APC: variants seen among roughly 807,000 people sequenced by gnomAD.
APC encodes adenomatous polyposis coli protein.
APC carries 72 observed loss-of-function variants against 247.0 expected under a neutral mutation model. The observed-to-expected ratio is 0.29, with a 90% CI of 0.24 to 0.35. The LOEUF is 0.35. APC is among the 10% of genes least tolerant of loss of function. APC has a pLI of 1.00. For missense variants in APC, 3,400 were observed against 3,360.7 expected, an observed-to-expected ratio of 1.01 and a Z score of -0.29; for synonymous variants, 1,254 against 1,162.5, an observed-to-expected ratio of 1.08 and a Z score of -1.60.
chr5:112,732,765 T>G (rs1179955640), intron 1 of APC, among the ~76,000 whole-genome samples: 1 of 152,114 alleles, frequency 6.6e-6, no homozygotes, highest in Admixed American at 6.5e-5. Context: ...ATAAAAGATG[T>G]AGGAACAATG....
At chr5:112,720,958 T>C (rs1041593260) in intron 1 of APC, among the ~76,000 whole-genome samples, 27 of 152,196 alleles carry the variant, frequency 1.8e-4, no homozygotes, top group Non-Finnish European at 2.5e-4. Context: ...AGACTGGTTA[T>C]TGTTGCATCT....
chr5:112,711,455 G>A (rs939272871), intron 1 of APC, among the ~76,000 whole-genome samples: 27 of 152,266 alleles, frequency 1.8e-4, no homozygotes, highest in African/African-American at 5.5e-4. Flanking sequence ...GTCATAAAAC[G>A]ATCTAGATTT....
At position 112,837,946 on chromosome 5, in the gene APC, T is replaced by G. The variant is rs2149867123; in HGVS notation, c.2352T>G (p.Ser784=). ...DNIDNLSPKA[S]HRSKQRHKQS... ...TAGACAATTTAAGTCCCAAGGCATCTCATCGTAGTAAGCAGAGACACAAGC... is the reference window on the plus strand; with the variant it reads ...TAGACAATTTAAGTCCCAAGGCATCGCATCGTAGTAAGCAGAGACACAAGC... The change falls in exon 16 of 16, where the codon TCT becomes TCG. Residue 784 remains serine, a synonymous_variant. Transcript: ENST00000257430. 1 of 1,614,112 alleles carries G rather than the reference T, an allele frequency of 6.2e-7. No individual in the cohort carries two copies. Among genetic ancestry groups the G allele is most frequent in the Non-Finnish European group, 8.5e-7 (1 of 1,180,028 alleles).
intron 1 of APC, among the ~76,000 whole-genome samples, chr5:112,742,786 AAG>A (rs759010380): frequency 4.6e-5 from 7 of 152,176 alleles, no homozygotes; most frequent in Non-Finnish European, 1.0e-4. Flanking sequence ...CAGCCCACCA[AAG>A]AGAGGAATTA....
intron 1 of APC, among the ~76,000 whole-genome samples, chr5:112,711,909 G>A (rs1017059992): frequency 4.6e-4 from 70 of 152,302 alleles, no homozygotes; most frequent in African/African-American, 1.6e-3. Flanking sequence ...TGCCACCAAT[G>A]ATGTTCATAT....
chr5:112,734,777 TTGTGTGTG>T (rs71626673), upstream of APC, among the ~76,000 whole-genome samples: 2 of 146,774 alleles, frequency 1.4e-5, no homozygotes, highest in African/African-American at 5.0e-5. Context: ...AAGGGTTTTC[TTGTGTGTG>T]TGTGTGTGTT....
In APC at chr5:112,843,509, G is replaced by C. The variant is rs878853472; in HGVS notation, c.7915G>C (p.Glu2639Gln). 1 of 1,613,816 alleles carries C rather than the reference G, an allele frequency of 6.2e-7. No individual in the cohort carries two copies. Among genetic ancestry groups the C allele is most frequent in the Non-Finnish European group, 8.5e-7 (1 of 1,179,742 alleles). The change falls in exon 16 of 16, where the codon GAA becomes CAA. Residue 2639 changes from glutamate to glutamine, a missense_variant. Transcript: ENST00000257430. This position sits in a 1 kb window ranked among gnomAD's most constrained non-coding sequence, Gnocchi z 4.8. ...TVSSGATNGA[E>Q]SKTLIYQMAP... ...TTCCTCAGGTGCTACAAATGGTGCTGAATCAAAGACTCTAATTTATCAAAT... is the reference window on the plus strand; with the variant it reads ...TTCCTCAGGTGCTACAAATGGTGCTCAATCAAAGACTCTAATTTATCAAAT...
intron 1 of APC, among the ~76,000 whole-genome samples, chr5:112,741,513 C>T (rs1256551392): frequency 6.6e-6 from 1 of 152,088 alleles, no homozygotes; most frequent in Non-Finnish European, 1.5e-5. Flanking sequence ...CACCCTGCAC[C>T]CACTCTTCTT....
At chr5:112,711,629 G>A (rs1750853950) in intron 1 of APC, among the ~76,000 whole-genome samples, 2 of 152,182 alleles carry the variant, frequency 1.3e-5, no homozygotes, top group African/African-American at 4.8e-5. Context: ...GCCCAAGTGG[G>A]AGGATTGCTT....
intron 1 of APC, among the ~76,000 whole-genome samples, chr5:112,730,908 A>G (rs961055848): frequency 2.6e-5 from 4 of 152,106 alleles, no homozygotes; most frequent in Admixed American, 2.0e-4. Flanking sequence ...ATTCAGAAAA[A>G]CCGAAATTCT....
chr5:112,804,020 C>G (rs1236518578), intron 8 of APC, among the ~76,000 whole-genome samples: 3 of 152,210 alleles, frequency 2.0e-5, no homozygotes, highest in Non-Finnish European at 4.4e-5. Flanking sequence ...ACCACTCCCT[C>G]AACTTCAACT....
chr5:112,724,774 A>G (rs1217028796), intron 1 of APC, among the ~76,000 whole-genome samples: 1 of 152,144 alleles, frequency 6.6e-6, no homozygotes, highest in Non-Finnish European at 1.5e-5. Context: ...TGGTGAGTGC[A>G]CAGAATTCCA....
At position 112,845,001 on chromosome 5, in the gene APC, GT is replaced by G. The variant is rs1441674291; in HGVS notation, c.*878del. 2 of 232,124 alleles carry G rather than the reference GT, an allele frequency of 8.6e-6. No homozygotes were observed. Among genetic ancestry groups the G allele is most frequent in the Non-Finnish European group, 1.7e-5 (2 of 117,236 alleles). The allele number at this position is 232,124 out of a possible 1,614,324, so 14.4% of individuals were successfully genotyped here. A position where few individuals can be genotyped will look rare whatever the true frequency, so the allele number is the denominator to read the frequency against. On this transcript the variant is annotated 3_prime_UTR_variant, in exon 16 of 16. Transcript: ENST00000257430. ...TAAACTGTTACTGAAATTGGTATTT[GT>G]TTGAAGGGTCTTGTTTCACATTTGT...
chr5:112,791,569 C>G (rs568467354), intron 6 of APC, among the ~76,000 whole-genome samples: 1 of 152,178 alleles, frequency 6.6e-6, no homozygotes, highest in African/African-American at 2.4e-5. Context: ...TGCCTGAGGA[C>G]CTGAGGTGGA....
upstream of APC, among the ~76,000 whole-genome samples, chr5:112,737,589 C>G (rs902290997): frequency 4.6e-5 from 7 of 152,246 alleles, no homozygotes; most frequent in Non-Finnish European, 1.0e-4. Flanking sequence ...TGCGGACCTC[C>G]CCCGACTCTT....
intron 7 of APC, among the ~76,000 whole-genome samples, chr5:112,796,573 A>G (rs1760231951): frequency 6.6e-6 from 1 of 151,872 alleles, no homozygotes; most frequent in African/African-American, 2.4e-5. Context: ...GAATGTGTTC[A>G]TTTTTGCAAT....
At chr5:112,742,367 A>G (rs1458971122) in intron 1 of APC, among the ~76,000 whole-genome samples, 5 of 152,144 alleles carry the variant, frequency 3.3e-5, no homozygotes, top group African/African-American at 1.2e-4. Flanking sequence ...TATGTTATTT[A>G]TGTATTTCTG....
rs959957210 is a variant in APC, at chr5:112,780,917, T to C, written c.645+14T>C. On this transcript the variant is annotated intron_variant, in intron 6 of 15. Transcript: ENST00000257430. ...AAACGAGCACAGGTAAGTTACTTGT[T>C]TCTAAGTGATAAAACAGCGAAGAGC... The C allele has an allele frequency of 3.9e-6, 6 of 1,527,176 alleles. No individual in the cohort carries two copies. In the East Asian group the frequency reaches 1.4e-4, roughly 35 times the overall value. The allele number at this position is 1,527,176 out of a possible 1,614,324, so 94.6% of individuals were successfully genotyped here.
intron 6 of APC, among the ~76,000 whole-genome samples, chr5:112,786,073 A>G (rs572249823): frequency 6.6e-6 from 1 of 152,334 alleles, no homozygotes; most frequent in Admixed American, 6.5e-5. Flanking sequence ...TGAATAAGAA[A>G]AAGACAACCC....
Sources: gnomAD v4.1 joint callset for allele counts (sites outside exome capture counted in the v4.1 genomes callset) on GRCh38, gnomAD v4.1.1 for gene constraint, Gnocchi (gnomAD v3.1) non-coding constraint, MANE v1.5 for transcripts, NCBI Gene and HGNC (gene_info 2026-07-23, HGNC 2026-07-21) for gene names.